Variants in SPTSSB observed in about 807,000 individuals in gnomAD.
The protein encoded by SPTSSB is androgen down regulated in mouse prostate.
In SPTSSB, 6 loss-of-function variants were observed where a neutral mutation model predicts 7.7. The observed-to-expected ratio is 0.78, with a 90% CI of 0.43 to 1.54. SPTSSB has a LOEUF of 1.54. Among genes scored for constraint, SPTSSB ranks in the 40% most tolerant of loss-of-function variants. The pLI is 0.01. For synonymous variants in SPTSSB, 28 were observed against 29.7 expected (o/e 0.94, Z 0.19); for missense variants, 91 against 93.0 (o/e 0.98, Z 0.09).
intron 1 of SPTSSB, among the ~76,000 whole-genome samples, chr3:161,362,799 T>A (rs562373552): frequency 1.3e-5 from 2 of 152,094 alleles, no homozygotes; most frequent in Non-Finnish European, 2.9e-5. Flanking sequence ...TTCTACGGTA[T>A]CTAATTTAGT....
intron 2 of SPTSSB, 86 bp downstream of exon 2, chr3:161,359,716 C>T (rs1714929575): frequency 1.0e-6 from 1 of 984,958 alleles, no homozygotes; most frequent in Non-Finnish European, 1.2e-6. Flanking sequence ...TAGGAGAGAA[C>T]TAGATGTGTT....
At position 161,347,152 on chromosome 3, in the gene SPTSSB, A is replaced by G. The variant is rs551437830; in HGVS notation, c.-32-797T>C. On this transcript the variant is annotated intron_variant, in intron 2 of 2. Transcript: ENST00000620149. ...ATTACTGTTTCAGAATCAACAGTATACTGAGAACCTGTTTAAAATATTCTT... is the reference window on the plus strand; with the variant it reads ...ATTACTGTTTCAGAATCAACAGTATGCTGAGAACCTGTTTAAAATATTCTT... Among the ~76,000 whole-genome samples the G allele has an allele frequency of 7.2e-5, 11 of 152,354 alleles. No individual in the cohort carries two copies. In the South Asian group the frequency reaches 2.1e-3, roughly 29 times the overall value.
intron 2 of SPTSSB, 145 bp from the exon 3 acceptor site, chr3:161,346,500 AATAC>A (rs1417017341): frequency 2.6e-5 from 12 of 456,390 alleles, no homozygotes; most frequent in African/African-American, 3.9e-5. Flanking sequence ...TCTGTAAAAT[AATAC>A]ATACTATATT....
chr3:161,365,887 T>A (rs1345330410), intron 1 of SPTSSB, among the ~76,000 whole-genome samples: 1 of 152,216 alleles, frequency 6.6e-6, no homozygotes, highest in African/African-American at 2.4e-5. Context: ...TTAAACCAAG[T>A]GCCCTGAGTA....
In SPTSSB at chr3:161,370,451, C is replaced by T. The variant is rs140373066; in HGVS notation, c.-126+984G>A. ...CCTTCACAGCCCTTGAGAAAGTCAC[C>T]GAAATGACCTGTTTTAAACAGCATA... On this transcript the variant is annotated intron_variant, in intron 1 of 2. Transcript: ENST00000620149. Among the ~76,000 whole-genome samples the T allele has an allele frequency of 1.1e-4, 17 of 152,142 alleles. No individual in the cohort carries two copies. In the East Asian group the frequency reaches 2.5e-3, roughly 22 times the overall value.
chr3:161,348,605 A>G (rs1375918077), intron 2 of SPTSSB, among the ~76,000 whole-genome samples: 1 of 152,248 alleles, frequency 6.6e-6, no homozygotes, highest in African/African-American at 2.4e-5. Flanking sequence ...TAAGATCTTG[A>G]TCACAAATAC....
intron 2 of SPTSSB, among the ~76,000 whole-genome samples, chr3:161,355,885 T>G (rs1714749147): frequency 6.6e-6 from 1 of 152,158 alleles, no homozygotes; most frequent in Non-Finnish European, 1.5e-5. Flanking sequence ...CCCTAAAAAT[T>G]ATGAAGGACT....
chr3:161,359,771 A>G, intron 2 of SPTSSB, 31 bp downstream of exon 2: 2 of 985,408 alleles, frequency 2.0e-6, no homozygotes, highest in Non-Finnish European at 1.2e-6. Flanking sequence ...TCTCAAAGCA[A>G]GTCTCCGTGA....
Position 161,353,358 on chromosome 3 carries a change from A to G in SPTSSB, c.-33+6444T>C, listed in dbSNP as rs191503200. Among the ~76,000 whole-genome samples, 4 of 152,344 alleles carry G rather than the reference A, an allele frequency of 2.6e-5. No individual in the cohort carries two copies. The East Asian group carries it at 7.7e-4, about 29-fold the overall frequency. On this transcript the variant is annotated intron_variant, in intron 2 of 2. Coordinates refer to ENST00000620149, the MANE Select transcript of SPTSSB (RefSeq NM_001040100.2). Reference sequence around the variant, plus strand: ...TAACAGTTACTTCAACAATGGAGTGATTTGTATATTTGATGGGGAAAAAAC... The same window carrying G: ...TAACAGTTACTTCAACAATGGAGTGGTTTGTATATTTGATGGGGAAAAAAC...
At chr3:161,366,756 T>C (rs903237657) in intron 1 of SPTSSB, among the ~76,000 whole-genome samples, 13 of 152,204 alleles carry the variant, frequency 8.5e-5, no homozygotes, top group Non-Finnish European at 1.2e-4. Context: ...TGGTACAGGG[T>C]AGGTGTGCAA....
At chr3:161,351,991 C>A (rs1253490993) in intron 2 of SPTSSB, among the ~76,000 whole-genome samples, 1 of 152,184 alleles carries the variant, frequency 6.6e-6, no homozygotes, top group African/African-American at 2.4e-5. Flanking sequence ...AGAATATTTT[C>A]AACATTGCAG....
chr3:161,355,980 G>A (rs1271150965), intron 2 of SPTSSB, among the ~76,000 whole-genome samples: 1 of 152,012 alleles, frequency 6.6e-6, no homozygotes, highest in Non-Finnish European at 1.5e-5. Flanking sequence ...AGTTGGAATG[G>A]GGCATTACTA....
rs1576900833 is a variant in SPTSSB at position 161,361,719 on chromosome 3, A to C, written c.-125-1825T>G. Among the ~76,000 whole-genome samples, 5 of 152,180 alleles carry C rather than the reference A, an allele frequency of 3.3e-5. No homozygotes were observed. The South Asian group carries it at 1.0e-3, about 32-fold the overall frequency. Reference sequence around the variant, plus strand: ...GTCACAATTATTATTTGTTCCTTCTATTTTCTACATGCATTTTATTTCCTC... The same window carrying C: ...GTCACAATTATTATTTGTTCCTTCTCTTTTCTACATGCATTTTATTTCCTC... On this transcript the variant is annotated intron_variant, in intron 1 of 2. Transcript: ENST00000620149.
At chr3:161,366,026 G>A (rs1452844268) in intron 1 of SPTSSB, among the ~76,000 whole-genome samples, 5 of 152,108 alleles carry the variant, frequency 3.3e-5, no homozygotes, top group African/African-American at 1.2e-4. Context: ...CTTTACCTGG[G>A]CATGATGGCC....
chr3:161,359,867 TCTC>T lies in SPTSSB; in HGVS notation c.-101_-99del, dbSNP rs1276180870. The T allele has an allele frequency of 2.3e-6, 2 of 888,870 alleles. No individual in the cohort carries two copies. Among genetic ancestry groups the T allele is most frequent in the Non-Finnish European group, 2.7e-6 (2 of 742,186 alleles). 55.1% of individuals were successfully genotyped at this position (888,870 alleles called of 1,614,324 possible). ...ACGAAATGATCCTGTGTGGGTTAGT[TCTC>T]CTCTCTGGGTTGCTGTTTCCTCATC... On this transcript the variant is annotated 5_prime_UTR_variant, in exon 2 of 3. Transcript: ENST00000620149.
At chr3:161,357,576 C>T (rs945594753) in intron 2 of SPTSSB, among the ~76,000 whole-genome samples, 1 of 152,192 alleles carries the variant, frequency 6.6e-6, no homozygotes, top group Non-Finnish European at 1.5e-5. Flanking sequence ...ATTAGCCGCC[C>T]AAAACCTATG....
chr3:161,371,118 A>G (rs1715490747), intron 1 of SPTSSB, among the ~76,000 whole-genome samples: 1 of 152,168 alleles, frequency 6.6e-6, no homozygotes. Flanking sequence ...ACCAAGCACA[A>G]CCCAATGATA....
intron 1 of SPTSSB, among the ~76,000 whole-genome samples, chr3:161,369,756 G>C (rs1307626410): frequency 2.6e-5 from 4 of 152,018 alleles, no homozygotes; most frequent in Admixed American, 2.6e-4. Flanking sequence ...TGTAGACGAG[G>C]ATCTAGGTTG....
intron 1 of SPTSSB, among the ~76,000 whole-genome samples, chr3:161,360,430 G>A (rs1341699337): frequency 6.6e-6 from 1 of 152,126 alleles, no homozygotes. Flanking sequence ...ATTTGATGTG[G>A]AACATCAGGT....
Sources: allele counts gnomAD v4.1 joint callset (sites outside exome capture counted in the v4.1 genomes callset), GRCh38; gene constraint gnomAD v4.1.1; transcripts MANE v1.5; gene names NCBI Gene and HGNC (gene_info 2026-07-23, HGNC 2026-07-21).